Variants in AGGF1 observed in about 807,000 individuals in gnomAD.
AGGF1 encodes the protein angiogenic factor with G patch and FHA domains 1.
AGGF1 carries 56 observed loss-of-function variants against 86.5 expected under a neutral mutation model. The ratio of observed to expected loss-of-function variants is 0.65; its 90% confidence interval spans 0.52 to 0.81. AGGF1 has a LOEUF of 0.81. AGGF1 is among the 30% of genes least tolerant of loss of function. The probability of loss-of-function intolerance (pLI) is 0.00; values close to 1 mark genes in which losing one functional copy is unlikely to be tolerated. For missense variants in AGGF1, 816 were observed against 850.9 expected, an observed-to-expected ratio of 0.96 and a Z score of 0.51; for synonymous variants, 313 against 297.1, an observed-to-expected ratio of 1.05 and a Z score of -0.55.
At chr5:77,038,463 ATTTT>A (rs546740826) in intron 4 of AGGF1, among the ~76,000 whole-genome samples, 1 of 151,990 alleles carries the variant, frequency 6.6e-6, no homozygotes, top group Admixed American at 6.6e-5. Flanking sequence ...ATTTTAATAA[ATTTT>A]TTTTATATTT....
chr5:77,040,619 T>G (rs1747058963), intron 5 of AGGF1, among the ~76,000 whole-genome samples: 1 of 152,216 alleles, frequency 6.6e-6, no homozygotes, highest in Non-Finnish European at 1.5e-5. Flanking sequence ...TGATGCAATG[T>G]TAAATTGAAA....
At position 77,031,094 on chromosome 5, in the gene AGGF1, TA is replaced by T. The variant is rs1746842071; in HGVS notation, c.210+121del. 3 of 1,084,826 alleles carry T rather than the reference TA, an allele frequency of 2.8e-6. No individual in the cohort carries two copies. In the East Asian group the frequency reaches 7.3e-5, roughly 26 times the overall value. 67.2% of individuals were successfully genotyped at this position (1,084,826 alleles called of 1,614,324 possible). ...CAGAACTACTGTAGAGTACTTAAAG[TA>T]AATAAGTAGAAGCTCAGCGCAGTTA... On this transcript the variant is annotated intron_variant, in intron 1 of 13. Transcript: ENST00000312916.
At chr5:77,055,630 C>A in intron 11 of AGGF1, 34 bp downstream of exon 11, 1 of 1,441,020 alleles carries the variant, frequency 6.9e-7, no homozygotes, top group Non-Finnish European at 9.7e-7. Flanking sequence ...ATTTGTTAAG[C>A]TGTATATCTG....
rs373582564 is a variant in AGGF1, at chr5:77,054,181, C to G, written c.1633+51C>G. 504 of 1,603,878 alleles carry G rather than the reference C, an allele frequency of 3.1e-4. 2 individuals carry two copies. The highest frequency in any genetic ancestry group is 2.8e-3 in the Middle Eastern group (17 of 6,034). ...TGTGATAACATTTCTCTTTCATTAC[C>G]TAAATGTTCTAAAAAACATCAGTCA... On this transcript the variant is annotated intron_variant, in intron 10 of 13. Transcript: ENST00000312916.
At position 77,035,526 on chromosome 5, in the gene AGGF1, A is replaced by AT; in HGVS notation, c.314-8dup. 1.9e-6 allele frequency: 3 copies of AT among 1,594,134 alleles called. No individual in the cohort carries two copies. The highest frequency in any genetic ancestry group is 2.6e-6 in the Non-Finnish European group (3 of 1,164,434). On this transcript the variant is annotated splice_polypyrimidine_tract_variant and intron_variant, in intron 2 of 13. Coordinates refer to ENST00000312916, the MANE Select transcript of AGGF1 (RefSeq NM_018046.5). ...TTCTAATATGATACGATTTCACTTC[A>AT]TTTTTTTGCTACAGATTATTTTTAT...
rs537713878 is a variant in AGGF1 at position 77,064,339 on chromosome 5, C to A, written c.*1087C>A. 1 of 152,160 alleles carries A rather than the reference C, an allele frequency of 6.6e-6. No homozygotes were observed. Among genetic ancestry groups the A allele is most frequent in the Non-Finnish European group, 1.5e-5 (1 of 68,032 alleles). 9.4% of individuals were successfully genotyped at this position (152,160 alleles called of 1,614,324 possible). On this transcript the variant is annotated 3_prime_UTR_variant, in exon 14 of 14. Transcript: ENST00000312916. ...AACACTGGAACTGACCCTTTTCTGG[C>A]AGTGAATGTAAGCTCTAGCTCCCCC...
intron 11 of AGGF1, among the ~76,000 whole-genome samples, chr5:77,056,876 T>C (rs1747470809): frequency 6.6e-6 from 1 of 152,136 alleles, no homozygotes; most frequent in Admixed American, 6.5e-5. Flanking sequence ...CAAAGACTTC[T>C]ATATCTAGAA....
At chr5:77,060,411 A>G (rs1289800493) in intron 12 of AGGF1, among the ~76,000 whole-genome samples, 1 of 152,086 alleles carries the variant, frequency 6.6e-6, no homozygotes, top group Admixed American at 6.6e-5. Flanking sequence ...ATACTCAAAT[A>G]CTTTTGTTCT....
chr5:77,054,040 C>G lies in AGGF1; in HGVS notation c.1543C>G (p.His515Asp). The change falls in exon 10 of 14, where the codon CAC becomes GAC. Residue 515 changes from histidine (H) to aspartate (D), a missense_variant. Physicochemically the swap from His to Asp is moderately conservative, Grantham distance 81. This residue lies in a region of AGGF1 where 565 missense variants were observed against 585.8 expected (regional missense o/e 0.96). Coordinates refer to ENST00000312916, the MANE Select transcript of AGGF1 (RefSeq NM_018046.5). ...AATTGGAGAAACTGTCTTATCCTTT[C>G]ACATTCATCCTGGCAGTGATACCTG... ...VKIGETVLSF[H>D]IHPGSDTCDG... 6.2e-7 allele frequency: 1 copy of G among 1,614,148 alleles called. No homozygotes were observed. The highest frequency in any genetic ancestry group is 8.5e-7 in the Non-Finnish European group (1 of 1,180,014).
At chr5:77,051,160 G>A (rs937853641) in intron 8 of AGGF1, among the ~76,000 whole-genome samples, 2 of 152,096 alleles carry the variant, frequency 1.3e-5, no homozygotes, top group Admixed American at 6.6e-5. Flanking sequence ...GGGGTTGGGC[G>A]CGGTGGCTTA....
intron 5 of AGGF1, among the ~76,000 whole-genome samples, chr5:77,041,624 A>G (rs994745179): frequency 4.2e-4 from 63 of 151,284 alleles, no homozygotes; most frequent in Non-Finnish European, 7.8e-4. Context: ...CTCCCTAACA[A>G]TAGAAGAAGA....
intron 5 of AGGF1, among the ~76,000 whole-genome samples, chr5:77,043,420 C>T (rs1198594616): frequency 2.5e-5 from 2 of 78,934 alleles, no homozygotes; most frequent in Admixed American, 1.1e-4. Flanking sequence ...TCCTCACTTC[C>T]CAGTAGGGGC....
intron 5 of AGGF1, among the ~76,000 whole-genome samples, chr5:77,043,770 C>T (rs1412779597): frequency 8.1e-6 from 1 of 123,824 alleles, no homozygotes. Context: ...GGAGAGGCTC[C>T]TCACTTCTCA....
At chr5:77,043,988 C>A in intron 5 of AGGF1, among the ~76,000 whole-genome samples, 1 of 80,664 alleles carries the variant, frequency 1.2e-5, no homozygotes, top group Non-Finnish European at 2.7e-5. Flanking sequence ...AATGGGCGGC[C>A]GGGCAGAGAC....
At position 77,044,440 on chromosome 5, in the gene AGGF1, TGAA is replaced by T. The variant is rs1747207007; in HGVS notation, c.871-1905_871-1903del. Among the ~76,000 whole-genome samples, 4 of 152,162 alleles carry T rather than the reference TGAA, an allele frequency of 2.6e-5. No homozygotes were observed. The South Asian group carries it at 8.3e-4, about 32-fold the overall frequency. On this transcript the variant is annotated intron_variant, in intron 5 of 13. Coordinates refer to ENST00000312916, the MANE Select transcript of AGGF1 (RefSeq NM_018046.5). ...ATTTTTGAGCCTCACTTTTTGTAGGTGAAGGTTATGTGGAAGGAAGACAGTAGG... is the reference window on the plus strand; with the variant it reads ...ATTTTTGAGCCTCACTTTTTGTAGGTGGTTATGTGGAAGGAAGACAGTAGG...
chr5:77,033,216 C>A (rs866192274), intron 1 of AGGF1, among the ~76,000 whole-genome samples: 5 of 152,236 alleles, frequency 3.3e-5, no homozygotes, highest in South Asian at 2.1e-4. Flanking sequence ...TTATTTGGAG[C>A]AGTTAAAAAG....
intron 5 of AGGF1, among the ~76,000 whole-genome samples, chr5:77,040,728 T>C (rs1580125838): frequency 1.3e-5 from 2 of 152,364 alleles, no homozygotes; most frequent in South Asian, 4.1e-4. Context: ...GTTTGTTTTA[T>C]TGATATTTTA....
At chr5:77,055,711 G>A (rs1747445935) in intron 11 of AGGF1, 115 bp downstream of exon 11, 6 of 733,566 alleles carry the variant, frequency 8.2e-6, no homozygotes, top group South Asian at 3.8e-5. Flanking sequence ...GTATGATTTC[G>A]TGATTTGTAT....
intron 5 of AGGF1, 145 bp from the exon 6 acceptor site, chr5:77,046,202 A>G (rs1747244073): frequency 1.3e-6 from 1 of 773,490 alleles, no homozygotes; most frequent in Non-Finnish European, 2.3e-6. Flanking sequence ...GAAATGTGAG[A>G]AGGAGAGGGG....
Sources: gnomAD v4.1 joint callset for allele counts (sites outside exome capture counted in the v4.1 genomes callset) on GRCh38, gnomAD v4.1.1 for gene constraint, gnomAD v4.1.1 regional missense constraint, MANE v1.5 for transcripts, NCBI Gene and HGNC (gene_info 2026-07-23, HGNC 2026-07-21) for gene names.